The following TRAF5 variants were observed in gnomAD, a reference collection of about 807,000 sequenced individuals.
TRAF5 encodes the protein TNF receptor-associated factor 5.
TRAF5 carries 48 observed loss-of-function variants against 64.5 expected under a neutral mutation model. The ratio of observed to expected loss-of-function variants is 0.74; its 90% CI spans 0.59 to 0.95. The LOEUF is 0.95. Ranked by LOEUF, TRAF5 falls within the 40% of genes least tolerant of loss-of-function variation. The pLI is 0.00. For synonymous variants in TRAF5, 206 were observed against 240.5 expected (o/e 0.86, Z 1.33); for missense variants, 545 against 662.8 (o/e 0.82, Z 1.95).
intron 4 of TRAF5, 99 bp downstream of exon 4, chr1:211,356,567 G>A (rs1572078649): frequency 4.7e-6 from 5 of 1,066,278 alleles, no homozygotes; most frequent in South Asian, 1.4e-5. Context: ...CATGGTACAG[G>A]GATTCAGTGA....
At chr1:211,346,458 T>C (rs756501119) in intron 1 of TRAF5, 2 of 983,856 alleles carry the variant, frequency 2.0e-6, no homozygotes, top group Middle Eastern at 5.2e-4. Flanking sequence ...TCTCTGGTCC[T>C]GTGCCCTTTT....
At chr1:211,352,230 G>A (rs975972369) in intron 1 of TRAF5, among the ~76,000 whole-genome samples, 2 of 152,080 alleles carry the variant, frequency 1.3e-5, no homozygotes, top group African/African-American at 2.4e-5. Context: ...AGCAAGTCAC[G>A]TCTTACATGG....
At chr1:211,363,620 G>A (rs905459474) in intron 7 of TRAF5, among the ~76,000 whole-genome samples, 15 of 152,230 alleles carry the variant, frequency 9.9e-5, no homozygotes, top group African/African-American at 2.2e-4. Flanking sequence ...AAAAATCAGC[G>A]AAGAGTCTAT....
At chr1:211,371,998 A>T (rs1325762869) in intron 10 of TRAF5, 130 bp from the exon 11 acceptor site, 1 of 782,012 alleles carries the variant, frequency 1.3e-6, no homozygotes, top group Non-Finnish European at 2.0e-6. Flanking sequence ...CAACAAATGA[A>T]TTCAGCTCAT....
At chr1:211,366,462 C>T (rs1055527191) in intron 8 of TRAF5, among the ~76,000 whole-genome samples, 2 of 152,126 alleles carry the variant, frequency 1.3e-5, no homozygotes, top group African/African-American at 4.8e-5. Flanking sequence ...TAGCCTCTAC[C>T]CTTGAAGAAC....
In TRAF5 at chr1:211,371,483, T is replaced by C; in HGVS notation, c.1099+13T>C. Reference sequence around the variant, plus strand: ...GATCAAAGATTAGGTATGTCTGATATTTTATTTCTCTTTTGGTGACTCATT... The same window carrying C: ...GATCAAAGATTAGGTATGTCTGATACTTTATTTCTCTTTTGGTGACTCATT... On this transcript the variant is annotated intron_variant, in intron 10 of 10. Transcript: ENST00000261464. 1.3e-6 allele frequency: 2 copies of C among 1,599,716 alleles called. No individual in the cohort carries two copies. The highest frequency in any genetic ancestry group is 1.7e-6 in the Non-Finnish European group (2 of 1,176,928).
intron 1 of TRAF5, among the ~76,000 whole-genome samples, chr1:211,329,837 G>A (rs983592260): frequency 6.6e-6 from 1 of 152,234 alleles, no homozygotes; most frequent in African/African-American, 2.4e-5. Context: ...CTGCAGGGCA[G>A]AGGGAGTCCT....
intron 10 of TRAF5, among the ~76,000 whole-genome samples, chr1:211,371,722 T>C (rs1477008840): frequency 1.3e-5 from 2 of 152,140 alleles, no homozygotes; most frequent in Non-Finnish European, 2.9e-5. Context: ...AAGAAAGGGA[T>C]TGATGACTTT....
chr1:211,353,670 A>G (rs908188099), intron 2 of TRAF5: 12 of 582,206 alleles, frequency 2.1e-5, no homozygotes, highest in Non-Finnish European at 3.1e-5. Flanking sequence ...TTTTCTTAAA[A>G]TTCAGACTGT....
At chr1:211,343,796 T>G (rs911860094) in intron 1 of TRAF5, among the ~76,000 whole-genome samples, 2 of 152,140 alleles carry the variant, frequency 1.3e-5, no homozygotes, top group Non-Finnish European at 2.9e-5. Context: ...ACTCGGAGTT[T>G]CCACACTGAT....
Position 211,371,486 on chromosome 1 carries a change from T to C in TRAF5, c.1099+16T>C. ...CAAAGATTAGGTATGTCTGATATTT[T>C]ATTTCTCTTTTGGTGACTCATTTGT... On this transcript the variant is annotated intron_variant, in intron 10 of 10. Transcript: ENST00000261464. 1 of 1,598,886 alleles carries C rather than the reference T, an allele frequency of 6.3e-7. No homozygotes were observed. The highest frequency in any genetic ancestry group is 8.5e-7 in the Non-Finnish European group (1 of 1,176,776).
At chr1:211,336,428 A>T (rs1702291442) in intron 1 of TRAF5, among the ~76,000 whole-genome samples, 1 of 152,112 alleles carries the variant, frequency 6.6e-6, no homozygotes, top group Non-Finnish European at 1.5e-5. Context: ...CTCACCCCTT[A>T]CAGTGACTCC....
intron 7 of TRAF5, 26 bp from the exon 8 acceptor site, chr1:211,365,350 G>A (rs746693568): frequency 6.2e-6 from 10 of 1,600,308 alleles, no homozygotes; most frequent in Middle Eastern, 3.3e-4. Flanking sequence ...TCAGCAACCT[G>A]ACTTATTTTT....
In TRAF5 at chr1:211,372,760, A is replaced by G. The variant is rs1703581594; in HGVS notation, c.*58A>G. The G allele has an allele frequency of 6.9e-7, 1 of 1,444,206 alleles. No individual in the cohort carries two copies. Among genetic ancestry groups the G allele is most frequent in the Non-Finnish European group, 9.6e-7 (1 of 1,045,766 alleles). The allele number at this position is 1,444,206 out of a possible 1,614,324, so 89.5% of individuals were successfully genotyped here. A position where few individuals can be genotyped will look rare whatever the true frequency, so the allele number is the denominator to read the frequency against. On this transcript the variant is annotated 3_prime_UTR_variant, in exon 11 of 11. Transcript: ENST00000261464. ...GGGCCAGAACTGTGGAGGAGAGCAC[A>G]TTTGATTATCATATTGACCTGGATT... is the stretch of plus-strand genomic sequence containing the variant.
At chr1:211,366,956 T>C (rs2102767558) in intron 8 of TRAF5, among the ~76,000 whole-genome samples, 1 of 115,882 alleles carries the variant, frequency 8.6e-6, no homozygotes, top group East Asian at 3.0e-4. Context: ...GGAAAACACT[T>C]GGTCAGCTAA....
chr1:211,369,300 T>C lies in TRAF5; in HGVS notation c.790-152T>C, dbSNP rs1402656248. 5 of 695,800 alleles carry C rather than the reference T, an allele frequency of 7.2e-6. No individual in the cohort carries two copies. In the East Asian group the frequency reaches 1.3e-4, roughly 19 times the overall value. The allele number at this position is 695,800 out of a possible 1,614,324, so 43.1% of individuals were successfully genotyped here. A position where few individuals can be genotyped will look rare whatever the true frequency, so the allele number is the denominator to read the frequency against. On this transcript the variant is annotated intron_variant, in intron 8 of 10. Transcript: ENST00000261464. ...ACCTGTGAATATCTTCCTATAATTA[T>C]GTAGGAATCTACCCTGTAAATATTT...
chr1:211,366,851 T>C (rs1703370918), intron 8 of TRAF5, among the ~76,000 whole-genome samples: 2 of 152,230 alleles, frequency 1.3e-5, no homozygotes, highest in African/African-American at 2.4e-5. Flanking sequence ...TTTTTTATCA[T>C]TTATACTCTG....
intron 1 of TRAF5, among the ~76,000 whole-genome samples, chr1:211,351,289 G>C (rs954487982): frequency 2.6e-5 from 4 of 152,012 alleles, no homozygotes; most frequent in Admixed American, 1.3e-4. Context: ...GCCTCCTAAA[G>C]TGCTGGGATT....
rs1417594335 is a variant in TRAF5, at chr1:211,373,224, A to C, written c.*522A>C. 2.0e-5 allele frequency: 3 copies of C among 152,378 alleles called. No homozygotes were observed. Among genetic ancestry groups the C allele is most frequent in the Non-Finnish European group, 4.4e-5 (3 of 68,170 alleles). 9.4% of individuals were successfully genotyped at this position (152,378 alleles called of 1,614,324 possible). A position where few individuals can be genotyped will look rare whatever the true frequency, so the allele number is the denominator to read the frequency against. On this transcript the variant is annotated 3_prime_UTR_variant, in exon 11 of 11. Transcript: ENST00000261464. ...GACCTTTTTTTCAGTTAAATGCTAA[A>C]TATATGAAAATTACTATACCTCTAA...
Sources: allele counts gnomAD v4.1 joint callset (sites outside exome capture counted in the v4.1 genomes callset), GRCh38; gene constraint gnomAD v4.1.1; transcripts MANE v1.5; gene names NCBI Gene and HGNC (gene_info 2026-07-23, HGNC 2026-07-21).